The following GNA12 variants were observed in gnomAD, a reference collection of about 807,000 sequenced individuals.
The protein encoded by GNA12 is G protein subunit alpha 12, also known as guanine nucleotide-binding protein subunit alpha-12.
A neutral mutation model predicts 26.0 loss-of-function variants in GNA12; 9 were observed. The ratio of observed to expected loss-of-function variants is 0.35; its 90% CI spans 0.21 to 0.60. The LOEUF is 0.60. GNA12 is among the 20% of genes least tolerant of loss of function. The pLI is 0.78. For synonymous variants in GNA12, 264 were observed against 219.6 expected (o/e 1.20, Z -1.79); for missense variants, 405 against 525.8 (o/e 0.77, Z 2.25).
In GNA12 at chr7:2,760,927, A is replaced by G. The variant is rs118150072; in HGVS notation, c.526-27426T>C. Among the ~76,000 whole-genome samples, 107 of 152,132 alleles carry G rather than the reference A, an allele frequency of 7.0e-4. 3 individuals carry two copies. In the East Asian group the frequency reaches 0.017, roughly 24 times the overall value. On this transcript the variant is annotated intron_variant, in intron 2 of 3. Transcript: ENST00000275364. Reference sequence around the variant, plus strand: ...TGGGGAGTGGGGGGTTCTGGCTGGCACCTTCCCCACTCCAGCTCCCCCTGT... The same window carrying G: ...TGGGGAGTGGGGGGTTCTGGCTGGCGCCTTCCCCACTCCAGCTCCCCCTGT...
chr7:2,746,775 G>A (rs1790783951), intron 2 of GNA12, among the ~76,000 whole-genome samples: 1 of 152,052 alleles, frequency 6.6e-6, no homozygotes, highest in Admixed American at 6.5e-5. Flanking sequence ...CCGCTAGCAA[G>A]ACTAATAAAG....
At chr7:2,829,084 A>G (rs1053292067) in intron 1 of GNA12, among the ~76,000 whole-genome samples, 14 of 151,950 alleles carry the variant, frequency 9.2e-5, no homozygotes, top group Admixed American at 2.0e-4. Flanking sequence ...GGAAAAAAAA[A>G]AAAAGAAAAG....
chr7:2,814,271 G>A, intron 1 of GNA12: 1 of 980,446 alleles, frequency 1.0e-6, no homozygotes. Flanking sequence ...ACTGAGATCA[G>A]GGAGATCTGT....
rs1789706673 is a variant in GNA12 at position 2,728,205 on chromosome 7, G to A, written c.*2976C>T. The stretch of plus-strand genomic sequence containing the variant: ...CAGACCCTCCCAATGTTAATACACT[G>A]TGCAAAGCTTACACCATGAACAACT... On this transcript the variant is annotated 3_prime_UTR_variant, in exon 4 of 4. Transcript: ENST00000275364. 6.6e-6 allele frequency: 1 copy of A among 152,250 alleles called. No homozygotes were observed. The highest frequency in any genetic ancestry group is 6.5e-5 in the Admixed American group (1 of 15,272). 9.4% of individuals were successfully genotyped at this position (152,250 alleles called of 1,614,324 possible). A position where few individuals can be genotyped will look rare whatever the true frequency, so the allele number is the denominator to read the frequency against.
At chr7:2,793,813 T>C (rs1262322254) in intron 2 of GNA12, among the ~76,000 whole-genome samples, 1 of 137,632 alleles carries the variant, frequency 7.3e-6, no homozygotes, top group Non-Finnish European at 1.5e-5. Flanking sequence ...AATCCAGAGG[T>C]GGAGGTTGCA....
At chr7:2,760,877 C>T (rs1048335191) in intron 2 of GNA12, among the ~76,000 whole-genome samples, 18 of 152,204 alleles carry the variant, frequency 1.2e-4, no homozygotes, top group Admixed American at 6.5e-5. Context: ...GTTGTCACAT[C>T]CTCACAGCAA....
intron 2 of GNA12, 66 bp from the exon 3 acceptor site, chr7:2,733,567 G>T: frequency 2.4e-6 from 3 of 1,262,246 alleles, no homozygotes; most frequent in South Asian, 2.5e-5. Context: ...GCAAATACAA[G>T]AACTGAACAG....
chr7:2,735,114 C>T (rs925287993), intron 2 of GNA12, among the ~76,000 whole-genome samples: 10 of 97,516 alleles, frequency 1.0e-4, no homozygotes, highest in Non-Finnish European at 4.9e-5. Flanking sequence ...GGTGCACTCA[C>T]TCCCTGATTT....
intron 2 of GNA12, chr7:2,763,064 G>C: frequency 6.4e-6 from 8 of 1,246,756 alleles, no homozygotes; most frequent in Non-Finnish European, 8.0e-6. Context: ...GACGCAGACC[G>C]GGGCTCCCTA....
chr7:2,809,610 G>C (rs2115479361), intron 1 of GNA12, among the ~76,000 whole-genome samples: 1 of 152,140 alleles, frequency 6.6e-6, no homozygotes, highest in Non-Finnish European at 1.5e-5. Flanking sequence ...CGGCTACTCT[G>C]GGTACACCGC....
Position 2,731,304 on chromosome 7 carries a change from G to T in GNA12, c.1023C>A (p.Asn341Lys). ...LVQCFDRKRR[N>K]RSKPLFHHFT... ...AGTGGTGGAAGAGTGGCTTGCTGCGGTTCCGTCTCTTCCTGTCGAAGCACT... is the reference window on the plus strand; with the variant it reads ...AGTGGTGGAAGAGTGGCTTGCTGCGTTTCCGTCTCTTCCTGTCGAAGCACT... The change falls in exon 4 of 4, where the codon AAC becomes AAA. Residue 341 changes from asparagine to lysine, a missense_variant. Coordinates refer to ENST00000275364, the MANE Select transcript of GNA12 (RefSeq NM_007353.3). The surrounding 1 kb of genome is among the most constrained non-coding windows in gnomAD (Gnocchi z 6.0). 1 of 1,613,902 alleles carries T rather than the reference G, an allele frequency of 6.2e-7. No homozygotes were observed.
At position 2,767,126 on chromosome 7, in the gene GNA12, A is replaced by G. The variant is rs562639647; in HGVS notation, c.525+27802T>C. Among the ~76,000 whole-genome samples, 12 of 152,344 alleles carry G rather than the reference A, an allele frequency of 7.9e-5. No individual in the cohort carries two copies. The East Asian group carries it at 2.1e-3, about 27-fold the overall frequency. On this transcript the variant is annotated intron_variant, in intron 2 of 3. Transcript: ENST00000275364. ...TGTTGAGTTGTAGGAGTCTTCATACATTCTGAATGTTAACTCTTTTCACAT... is the reference window on the plus strand; with the variant it reads ...TGTTGAGTTGTAGGAGTCTTCATACGTTCTGAATGTTAACTCTTTTCACAT...
At chr7:2,782,156 A>G (rs1226498510) in intron 2 of GNA12, among the ~76,000 whole-genome samples, 1 of 152,256 alleles carries the variant, frequency 6.6e-6, no homozygotes, top group African/African-American at 2.4e-5. Flanking sequence ...AATTAACTCA[A>G]AATTTACCAA....
chr7:2,782,287 G>C (rs1792248352), intron 2 of GNA12, among the ~76,000 whole-genome samples: 1 of 152,216 alleles, frequency 6.6e-6, no homozygotes, highest in Non-Finnish European at 1.5e-5. Flanking sequence ...AGAAAAAAGA[G>C]ATGTTAGTCT....
chr7:2,809,015 A>G (rs757789), intron 1 of GNA12, among the ~76,000 whole-genome samples: 88,372 of 152,008 alleles, frequency 0.58, 25,995 homozygotes, highest in Non-Finnish European at 0.63. Flanking sequence ...TGGGGCAGGG[A>G]AGCTTCTCAG....
At chr7:2,792,137 A>G (rs1355526734) in intron 2 of GNA12, among the ~76,000 whole-genome samples, 1 of 152,122 alleles carries the variant, frequency 6.6e-6, no homozygotes, top group African/African-American at 2.4e-5. Flanking sequence ...TTAAAAGCTC[A>G]CTCGCTGGAG....
rs1006873303 is a variant in GNA12, at chr7:2,790,298, A to G, written c.525+4630T>C. On this transcript the variant is annotated intron_variant, in intron 2 of 3. Transcript: ENST00000275364. ...GGTCTCGCTTTGTTGCCCAGGCTGC[A>G]ATCAGTGCAGTGGCGCGATCTCAGC... Among the ~76,000 whole-genome samples the G allele has an allele frequency of 3.3e-5, 5 of 152,152 alleles. No individual in the cohort carries two copies. The East Asian group carries it at 7.7e-4, about 23-fold the overall frequency.
intron 1 of GNA12, among the ~76,000 whole-genome samples, chr7:2,809,815 AAT>A (rs1793036643): frequency 6.6e-6 from 1 of 152,250 alleles, no homozygotes; most frequent in Non-Finnish European, 1.5e-5. Context: ...TGTAAATGTA[AAT>A]ATTACTTAGT....
intron 1 of GNA12, among the ~76,000 whole-genome samples, chr7:2,819,635 A>C (rs1019307734): frequency 6.6e-5 from 10 of 152,234 alleles, no homozygotes; most frequent in Admixed American, 3.3e-4. Context: ...CCATATCTCC[A>C]AAGAAGATAC....
Sources: gnomAD v4.1 joint callset for allele counts (sites outside exome capture counted in the v4.1 genomes callset) on GRCh38, gnomAD v4.1.1 for gene constraint, Gnocchi (gnomAD v3.1) non-coding constraint, MANE v1.5 for transcripts, NCBI Gene and HGNC (gene_info 2026-07-23, HGNC 2026-07-21) for gene names.